Variants in SPDYE10 observed in about 807,000 individuals in gnomAD.
SPDYE10 encodes the protein speedy/RINGO cell cycle regulator family member E10.
At chr7:73,128,065 A>G in the SPDYE10 span, among the ~76,000 whole-genome samples, 1 of 151,752 alleles carries the variant, frequency 6.6e-6, no homozygotes, top group South Asian at 2.1e-4. Context: ...AACAAAGTAA[A>G]TGTTCACCAA....
At chr7:73,124,378 AG>A in the SPDYE10 span, among the ~76,000 whole-genome samples, 21 of 126,484 alleles carry the variant, frequency 1.7e-4, no homozygotes, top group African/African-American at 5.7e-4. Flanking sequence ...GGACTGGTGC[AG>A]GATTCTCTTC....
chr7:73,134,678 A>G, the SPDYE10 span, among the ~76,000 whole-genome samples: 5 of 152,284 alleles, frequency 3.3e-5, no homozygotes, highest in South Asian at 1.1e-3. Flanking sequence ...CCTGGCTGAC[A>G]TGGCGAAACC....
At chr7:73,152,057 C>T in the SPDYE10 span, among the ~76,000 whole-genome samples, 1 of 149,092 alleles carries the variant, frequency 6.7e-6, no homozygotes, top group Non-Finnish European at 1.5e-5. Flanking sequence ...TTCTGTCGCC[C>T]AGGCTGGAGT....
At chr7:73,123,144 A>G in the SPDYE10 span, among the ~76,000 whole-genome samples, 2 of 152,336 alleles carry the variant, frequency 1.3e-5, no homozygotes, top group Middle Eastern at 3.4e-3. Flanking sequence ...CTTCTGGGCT[A>G]GGCTGAGAGG....
chr7:73,151,719 T>C, the SPDYE10 span, among the ~76,000 whole-genome samples: 1 of 72,012 alleles, frequency 1.4e-5, no homozygotes, highest in Non-Finnish European at 2.6e-5. Context: ...AGTCTTGCTA[T>C]GTTGCCCAGG....
chr7:73,123,790 T>C, the SPDYE10 span, among the ~76,000 whole-genome samples: 105 of 113,602 alleles, frequency 9.2e-4, no homozygotes, highest in African/African-American at 3.0e-3. Context: ...TCTCTCTCCC[T>C]CTCTCTCTCT....
the SPDYE10 span, among the ~76,000 whole-genome samples, chr7:73,154,157 C>T: frequency 1.4e-5 from 2 of 138,110 alleles, no homozygotes; most frequent in Admixed American, 7.0e-5. Flanking sequence ...ACATTTTCCC[C>T]GAATTCACCC....
chr7:73,152,091 T>G, the SPDYE10 span, among the ~76,000 whole-genome samples: 1 of 146,510 alleles, frequency 6.8e-6, no homozygotes, highest in Non-Finnish European at 1.5e-5. Context: ...CTTGGCTCAC[T>G]GCAACCTCTG....
At chr7:73,135,028 T>A in the SPDYE10 span, among the ~76,000 whole-genome samples, 1 of 152,304 alleles carries the variant, frequency 6.6e-6, no homozygotes, top group African/African-American at 2.4e-5. Flanking sequence ...CAGCCTTGCC[T>A]ATGGACAGCC....
the SPDYE10 span, among the ~76,000 whole-genome samples, chr7:73,134,504 A>C: frequency 1.7e-5 from 2 of 117,038 alleles, no homozygotes; most frequent in East Asian, 2.3e-4. Context: ...CATGTACCCT[A>C]CAACTTAAAG....
chr7:73,151,856 A>T, the SPDYE10 span, among the ~76,000 whole-genome samples: 1 of 111,458 alleles, frequency 9.0e-6, no homozygotes, highest in Non-Finnish European at 1.8e-5. Context: ...ATGCCCTGCT[A>T]AATTGATTTC....
the SPDYE10 span, among the ~76,000 whole-genome samples, chr7:73,145,006 C>CAA: frequency 1.5e-3 from 58 of 39,434 alleles, no homozygotes; most frequent in African/African-American, 7.1e-3. Context: ...GGCTTCGTCT[C>CAA]AAAAAAAAAA....
At chr7:73,122,140 T>TA in the SPDYE10 span, among the ~76,000 whole-genome samples, 2 of 100,476 alleles carry the variant, frequency 2.0e-5, no homozygotes, top group Non-Finnish European at 3.8e-5. Flanking sequence ...CTGGGGCAAA[T>TA]ACCTTCTGGG....
chr7:73,154,784 G>A, the SPDYE10 span, among the ~76,000 whole-genome samples: 1 of 151,366 alleles, frequency 6.6e-6, no homozygotes, highest in Admixed American at 6.6e-5. Flanking sequence ...GGTAGCTCCG[G>A]CCGCCCAGCC....
the SPDYE10 span, among the ~76,000 whole-genome samples, chr7:73,139,657 T>C: frequency 6.6e-6 from 1 of 151,144 alleles, no homozygotes; most frequent in African/African-American, 2.5e-5. Flanking sequence ...TTGTTTTTTG[T>C]GTTTTTTTTT....
chr7:73,131,597 C>T, the SPDYE10 span, among the ~76,000 whole-genome samples: 10 of 148,536 alleles, frequency 6.7e-5, no homozygotes, highest in South Asian at 8.5e-4. Flanking sequence ...TGCAATGGTG[C>T]GATCTCGGCT....
the SPDYE10 span, among the ~76,000 whole-genome samples, chr7:73,115,318 C>T: frequency 6.6e-6 from 1 of 152,146 alleles, no homozygotes; most frequent in Admixed American, 6.5e-5. Flanking sequence ...TCCCTTTTTA[C>T]TCCTTTCTTT....
chr7:73,155,347 A>G, the SPDYE10 span: 1 of 371,188 alleles, frequency 2.7e-6, no homozygotes, highest in Non-Finnish European at 4.8e-6. Context: ...AGACCAGGTA[A>G]GCGCGCGGGG....
the SPDYE10 span, chr7:73,104,476 C>A: frequency 3.1e-5 from 3 of 96,804 alleles, no homozygotes; most frequent in East Asian, 2.5e-4. Flanking sequence ...CCAGTATTTC[C>A]AAAATATTTA....
Sources: gnomAD v4.1 joint callset for allele counts (sites outside exome capture counted in the v4.1 genomes callset) on GRCh38, gnomAD v4.1.1 for gene constraint, MANE v1.5 for transcripts, NCBI Gene and HGNC (gene_info 2026-07-23, HGNC 2026-07-21) for gene names.